PCDHA2: variants seen among roughly 807,000 people sequenced by gnomAD.
The protein encoded by PCDHA2 is protocadherin alpha 2, also known as protocadherin alpha-2.
In PCDHA2, 58 loss-of-function variants were observed where a neutral mutation model predicts 66.0. The observed-to-expected ratio is 0.88, with a 90% confidence interval of 0.71 to 1.09. The LOEUF (loss-of-function observed/expected upper bound fraction) is 1.09, where lower values mean the gene tolerates loss of function less well. Among genes scored for constraint, PCDHA2 ranks in the 50% least tolerant of loss-of-function variants. PCDHA2 has a pLI of 0.00. For synonymous variants in PCDHA2, 634 were observed against 554.0 expected, an observed-to-expected ratio of 1.14 and a Z score of -2.03; for missense variants, 1,267 against 1,242.3, an observed-to-expected ratio of 1.02 and a Z score of -0.30.
intron 1 of PCDHA2, chr5:140,842,322 G>T (rs1349163820): frequency 6.2e-7 from 1 of 1,607,612 alleles, no homozygotes. Flanking sequence ...GCGGGTCATT[G>T]CACCGTTTTA....
chr5:140,828,149 C>T, intron 1 of PCDHA2: 1 of 1,614,102 alleles, frequency 6.2e-7, no homozygotes. Flanking sequence ...CCCGCTTCTG[C>T]TCCTCGCAGC....
intron 1 of PCDHA2, among the ~76,000 whole-genome samples, chr5:140,932,642 T>G (rs2088501803): frequency 6.6e-6 from 1 of 151,860 alleles, no homozygotes. Context: ...AACTTTAGAA[T>G]GATGAAACTA....
chr5:140,809,319 T>G (rs782158465), intron 1 of PCDHA2: 1 of 1,614,108 alleles, frequency 6.2e-7, no homozygotes. Context: ...TCCAGCCTTT[T>G]GGTGCTCACG....
chr5:140,823,732 CA>C, intron 1 of PCDHA2: 1 of 1,613,860 alleles, frequency 6.2e-7, no homozygotes, highest in Non-Finnish European at 8.5e-7. Context: ...GGTGAAGGAC[CA>C]TGGAGAGCCC....
At chr5:140,879,844 C>A (rs1333807567) in intron 1 of PCDHA2, among the ~76,000 whole-genome samples, 1 of 152,194 alleles carries the variant, frequency 6.6e-6, no homozygotes, top group East Asian at 1.9e-4. Context: ...CTGTACCACT[C>A]CCATCTCAGC....
intron 1 of PCDHA2, chr5:140,865,236 G>A (rs192476838): frequency 8.5e-5 from 13 of 152,224 alleles, no homozygotes; most frequent in Admixed American, 3.3e-4. Flanking sequence ...CAGAGAACAC[G>A]TATTTATAGC....
intron 1 of PCDHA2, among the ~76,000 whole-genome samples, chr5:140,950,594 G>C (rs1469063256): frequency 6.6e-6 from 1 of 152,040 alleles, no homozygotes; most frequent in African/African-American, 2.4e-5. Flanking sequence ...TGGTTTAGAA[G>C]TTTGACTATG....
chr5:140,895,820 T>A (rs1409721318), intron 1 of PCDHA2, among the ~76,000 whole-genome samples: 2 of 152,156 alleles, frequency 1.3e-5, no homozygotes, highest in Non-Finnish European at 2.9e-5. Context: ...TATTGTATTG[T>A]ATTTTTTTCA....
intron 1 of PCDHA2, among the ~76,000 whole-genome samples, chr5:140,833,365 G>A (rs2150207922): frequency 1.3e-5 from 2 of 152,156 alleles, no homozygotes; most frequent in African/African-American, 2.4e-5. Flanking sequence ...ACACAGTAAG[G>A]TAGATCCAAA....
At position 140,796,816 on chromosome 5, in the gene PCDHA2, G is replaced by A. The variant is rs782509295; in HGVS notation, c.1852G>A (p.Ala618Thr). The A allele has an allele frequency of 6.2e-6, 10 of 1,614,004 alleles. No homozygotes were observed. In the Admixed American group the frequency reaches 1.3e-4, roughly 22 times the overall value. The change falls in exon 1 of 4, where the codon GCT becomes ACT. Residue 618 changes from alanine (A) to threonine (T), a missense_variant. Physicochemically the swap from Ala to Thr is moderately conservative, Grantham distance 58. Coordinates refer to ENST00000526136, the MANE Select transcript of PCDHA2 (RefSeq NM_018905.3). ...SYELQLGTGS[A>T]RIPFRVGLYT... ...CGAGCTTCAGCTGGGTACTGGCAGC[G>A]CTCGCATCCCGTTCCGCGTGGGGCT... is the stretch of plus-strand genomic sequence containing the variant.
intron 1 of PCDHA2, 153 bp downstream of exon 1, chr5:140,797,505 C>T: frequency 2.3e-6 from 2 of 888,154 alleles, no homozygotes; most frequent in Non-Finnish European, 3.5e-6. Context: ...CAATTTATTG[C>T]ATTTACTGAA....
intron 1 of PCDHA2, among the ~76,000 whole-genome samples, chr5:140,899,167 T>C (rs1314014582): frequency 3.3e-5 from 5 of 152,124 alleles, no homozygotes; most frequent in Admixed American, 6.5e-5. Context: ...CTTTTCCTAA[T>C]TGAATACCCT....
chr5:140,834,830 C>T (rs1554134546), intron 1 of PCDHA2: 1 of 1,612,028 alleles, frequency 6.2e-7, no homozygotes, highest in East Asian at 2.2e-5. Context: ...GGCCGCTTGA[C>T]TCTCGGTTTC....
intron 1 of PCDHA2, among the ~76,000 whole-genome samples, chr5:140,905,211 G>A (rs1554191947): frequency 6.6e-6 from 1 of 152,130 alleles, no homozygotes; most frequent in Non-Finnish European, 1.5e-5. Flanking sequence ...GTTGATTTTT[G>A]TGTAAGGTGA....
In PCDHA2 at chr5:140,884,393, A is replaced by T. The variant is rs782150859; in HGVS notation, c.2388+87041A>T. 6.8e-6 allele frequency: 11 copies of T among 1,613,878 alleles called. No individual in the cohort carries two copies. In the South Asian group the frequency reaches 1.1e-4, roughly 16 times the overall value. On this transcript the variant is annotated intron_variant, in intron 1 of 3. Transcript: ENST00000526136. Reference sequence around the variant, plus strand: ...GATCATTGCCATCTGCGCGGTGTCCAGCCTGTTGGTGCTCACGTTGCTGCT... The same window carrying T: ...GATCATTGCCATCTGCGCGGTGTCCTGCCTGTTGGTGCTCACGTTGCTGCT...
intron 1 of PCDHA2, chr5:140,822,396 C>T (rs2150116013): frequency 1.9e-6 from 3 of 1,613,902 alleles, no homozygotes; most frequent in Non-Finnish European, 2.5e-6. Flanking sequence ...CACAAGAACA[C>T]CGTTTATTAG....
chr5:140,805,351 T>C, intron 1 of PCDHA2: 2 of 1,208,666 alleles, frequency 1.7e-6, no homozygotes, highest in Non-Finnish European at 2.1e-6. Context: ...TTTGTAAAAA[T>C]ATAGTTTGGG....
intron 1 of PCDHA2, among the ~76,000 whole-genome samples, chr5:140,905,387 G>T (rs1554192032): frequency 1.3e-5 from 2 of 152,138 alleles, no homozygotes; most frequent in African/African-American, 4.8e-5. Context: ...TGTTTCATAG[G>T]TCTGTGTGCC....
At chr5:140,825,048 C>T (rs1460385722) in intron 1 of PCDHA2, 1 of 151,952 alleles carries the variant, frequency 6.6e-6, no homozygotes, top group African/African-American at 2.4e-5. Flanking sequence ...TTCCCTTTCA[C>T]CTCCTTCATG....
Sources: gnomAD v4.1 joint callset for allele counts (sites outside exome capture counted in the v4.1 genomes callset) on GRCh38, gnomAD v4.1.1 for gene constraint, MANE v1.5 for transcripts, NCBI Gene and HGNC (gene_info 2026-07-23, HGNC 2026-07-21) for gene names.